Variants in CCDC57 observed in about 807,000 individuals in gnomAD.
CCDC57 encodes coiled-coil domain-containing protein 57.
Under a neutral mutation model 118.9 loss-of-function variants are expected in CCDC57, and 118 were observed. The observed-to-expected ratio is 0.99, with a 90% CI of 0.86 to 1.16. CCDC57 has a LOEUF of 1.16. CCDC57 is among the 50% of genes most tolerant of loss of function. The pLI is 0.00. For missense variants in CCDC57, 1,300 were observed against 1,320.7 expected, an observed-to-expected ratio of 0.98 and a Z score of 0.24; for synonymous variants, 527 against 532.9, an observed-to-expected ratio of 0.99 and a Z score of 0.15.
chr17:82,188,119 C>T, intron 8 of CCDC57, 100 bp downstream of exon 7: 1 of 996,772 alleles, frequency 1.0e-6, no homozygotes, highest in Non-Finnish European at 1.4e-6. Flanking sequence ...TGTCTGCTGC[C>T]TGGCCCCCTT....
At chr17:82,107,131 A>C (rs1405955530) in intron 19 of CCDC57, among the ~76,000 whole-genome samples, 1 of 152,166 alleles carries the variant, frequency 6.6e-6, no homozygotes, top group Non-Finnish European at 1.5e-5. Context: ...CAGCTGCCCG[A>C]CCTGCTCAGG....
chr17:82,126,285 GAA>G (rs35272996), intron 19 of CCDC57: 240,904 of 560,226 alleles, frequency 0.43, 34,669 homozygotes, highest in Non-Finnish European at 0.44. Flanking sequence ...CATCTCAAAG[GAA>G]AAAAAAAAAA....
intron 1 of CCDC57, among the ~76,000 whole-genome samples, chr17:82,210,217 T>C (rs1320123604): frequency 2.0e-5 from 3 of 151,314 alleles, no homozygotes; most frequent in African/African-American, 7.3e-5. Flanking sequence ...ACCGCGCCCC[T>C]GCAAGCCAGC....
chr17:82,189,619 G>A (rs1190656153), intron 7 of CCDC57, among the ~76,000 whole-genome samples: 1 of 152,180 alleles, frequency 6.6e-6, no homozygotes, highest in African/African-American at 2.4e-5. Flanking sequence ...GGAGGCCAAG[G>A]AGGGTGGATC....
At chr17:82,178,746 G>T in intron 10 of CCDC57, 141 bp from the exon 10 acceptor site, 3 of 1,249,998 alleles carry the variant, frequency 2.4e-6, no homozygotes, top group Non-Finnish European at 3.3e-6. Context: ...AACCCTTCCT[G>T]CCCATGCATA....
intron 4 of CCDC57, among the ~76,000 whole-genome samples, chr17:82,196,877 T>C (rs2048362009): frequency 8.1e-6 from 1 of 123,456 alleles, no homozygotes; most frequent in African/African-American, 3.3e-5. Flanking sequence ...ACGCAGCCCC[T>C]CATGACTCCT....
At chr17:82,204,218 C>T (rs1410780516) in intron 2 of CCDC57, among the ~76,000 whole-genome samples, 1 of 152,192 alleles carries the variant, frequency 6.6e-6, no homozygotes, top group African/African-American at 2.4e-5. Flanking sequence ...ACCACCTCAG[C>T]CTGGCTCCTC....
rs1345204542 is a variant in CCDC57, at chr17:82,164,516, T to C, written c.1883-1159A>G. On this transcript the variant is annotated intron_variant, in intron 13 of 19. Coordinates refer to ENST00000665763, the Ensembl canonical transcript of CCDC57. Reference sequence around the variant, plus strand: ...TCAACAAAATCAACAGTTGATTCTTTGAGAAGGCTAAAATAAACACCCAAT... The same window carrying C: ...TCAACAAAATCAACAGTTGATTCTTCGAGAAGGCTAAAATAAACACCCAAT... 5.3e-5 allele frequency among the ~76,000 whole-genome samples: 8 copies of C among 152,144 alleles called. No individual in the cohort carries two copies. The East Asian group carries it at 1.3e-3, about 26-fold the overall frequency.
intron 19 of CCDC57, among the ~76,000 whole-genome samples, chr17:82,108,535 T>A (rs987118447): frequency 2.0e-5 from 3 of 152,118 alleles, no homozygotes; most frequent in African/African-American, 7.2e-5. Flanking sequence ...TAAAGGGAAA[T>A]ACACAGGGTA....
intron 17 of CCDC57, 34 bp from the exon 17 acceptor site, chr17:82,128,631 A>T (rs1467414948): frequency 6.7e-7 from 1 of 1,491,508 alleles, no homozygotes; most frequent in African/African-American, 1.4e-5. Context: ...GGACTCTGGT[A>T]TTCACATGTA....
chr17:82,155,067 C>T (rs1037790520), intron 15 of CCDC57: 4 of 152,292 alleles, frequency 2.6e-5, no homozygotes, highest in Admixed American at 1.3e-4. Context: ...GAGTCTGTGC[C>T]GTCTCAGTGC....
At chr17:82,183,875 T>C (rs2046512114) in exon 9 of CCDC57, 6 of 1,613,702 alleles carry the variant, frequency 3.7e-6, no homozygotes, top group Middle Eastern at 1.6e-4. Flanking sequence ...TCTCCTTAGA[T>C]AGTTGAGCAA....
At position 82,157,934 on chromosome 17, in the gene CCDC57, G is replaced by A. The variant is rs538854935; in HGVS notation, c.2055C>T (p.Pro685=). 6 of 1,555,830 alleles carry A rather than the reference G, an allele frequency of 3.9e-6. No homozygotes were observed. The African/African-American group carries it at 6.8e-5, about 18-fold the overall frequency. Residue 685 remains proline, a synonymous_variant, in exon 15 of 20, where the codon CCC becomes CCT. Transcript: ENST00000665763. ...CACGCTGGAGAGCGGCCGGCTCCAG[G>A]GGTTCCCGCAGCACCTAGGGGTCAT...
chr17:82,152,004 G>C (rs2042122593), intron 15 of CCDC57: 2 of 540,572 alleles, frequency 3.7e-6, no homozygotes, highest in Non-Finnish European at 3.3e-6. Context: ...CCCAGGCCAG[G>C]GTGGCCCCCA....
chr17:82,201,644 T>A lies in CCDC57; in HGVS notation c.301A>T (p.Lys101Ter). The stretch of plus-strand genomic sequence containing the variant: ...TCTCTGGCTAGCGCCTGCCTCAGCT[T>A]AGCTGCCTCTATCTTGAGCTCGCTC... Residue 101 changes from lysine (K) to a stop codon, truncating the protein, a stop_gained, in exon 3 of 20, where the codon AAG (lysine) becomes TAG (stop). Transcript: ENST00000665763. LOFTEE classifies it high-confidence loss of function. The A allele has an allele frequency of 6.2e-7, 1 of 1,613,908 alleles. No homozygotes were observed.
At chr17:82,174,387 C>A (rs1444982285) in intron 11 of CCDC57, among the ~76,000 whole-genome samples, 1 of 152,210 alleles carries the variant, frequency 6.6e-6, no homozygotes, top group African/African-American at 2.4e-5. Context: ...CTCTAACTCG[C>A]TACTTTAAAT....
At chr17:82,145,146 G>A (rs1217299552) in intron 16 of CCDC57, among the ~76,000 whole-genome samples, 4 of 149,210 alleles carry the variant, frequency 2.7e-5, no homozygotes, top group South Asian at 2.2e-4. Context: ...TCAGCCGCCC[G>A]AGTAGCTGGG....
At chr17:82,128,939 G>A (rs749471485) in intron 17 of CCDC57, among the ~76,000 whole-genome samples, 1 of 150,948 alleles carries the variant, frequency 6.6e-6, no homozygotes, top group African/African-American at 2.4e-5. Context: ...TTTTTTTTGA[G>A]ACGGAGTCTT....
intron 2 of CCDC57, among the ~76,000 whole-genome samples, chr17:82,205,165 A>G (rs997467952): frequency 2.6e-5 from 4 of 152,198 alleles, no homozygotes; most frequent in African/African-American, 7.2e-5. Flanking sequence ...ACATTAAATG[A>G]TGGAACACCA....
Sources: gnomAD v4.1 joint callset for allele counts (sites outside exome capture counted in the v4.1 genomes callset) on GRCh38, gnomAD v4.1.1 for gene constraint, MANE v1.5 for transcripts, NCBI Gene and HGNC (gene_info 2026-07-23, HGNC 2026-07-21) for gene names.